The following BABAM2 variants were observed in gnomAD, a reference collection of about 807,000 sequenced individuals.
The protein encoded by BABAM2 is BRISC and BRCA1 A complex member 2.
In BABAM2, 31 loss-of-function variants were observed where a neutral mutation model predicts 54.7. That is an observed-to-expected ratio of 0.57 (90% CI 0.43 to 0.77). BABAM2 has a LOEUF of 0.77. Among genes scored for constraint, BABAM2 ranks in the 30% least tolerant of loss-of-function variants. The probability of loss-of-function intolerance (pLI) is 0.00; values close to 1 mark genes in which losing one functional copy is unlikely to be tolerated. For missense variants in BABAM2, 364 were observed against 455.8 expected (o/e 0.80, Z 1.83); for synonymous variants, 167 against 162.9 (o/e 1.03, Z -0.19).
intron 11 of BABAM2, chr2:28,309,363 G>A (rs1688856406): frequency 6.6e-6 from 1 of 152,078 alleles, no homozygotes. Flanking sequence ...AAGCCTCCCT[G>A]TCTTAAAGTC....
chr2:27,890,326 G>A (rs1376770279), upstream of BABAM2: 3 of 1,613,692 alleles, frequency 1.9e-6, no homozygotes, highest in Non-Finnish European at 1.7e-6. The surrounding 1 kb of genome is among the most constrained non-coding windows in gnomAD (Gnocchi z 4.8). Flanking sequence ...CTGCCTCTGG[G>A]GTTCCCCAGA....
chr2:28,267,424 GACACACACACACAT>G (rs889199818), intron 10 of BABAM2, among the ~76,000 whole-genome samples: 1 of 146,804 alleles, frequency 6.8e-6, no homozygotes, highest in South Asian at 2.2e-4. Context: ...ACACTGACTA[GACACACACACACAT>G]ACACACACAC....
rs370813340 is a variant in BABAM2, at chr2:28,144,948, A to G, written c.680+15568A>G. Among the ~76,000 whole-genome samples the G allele has an allele frequency of 4.6e-5, 7 of 152,324 alleles. No homozygotes were observed. The East Asian group carries it at 7.7e-4, about 17-fold the overall frequency. On this transcript the variant is annotated intron_variant, in intron 7 of 11. Coordinates refer to ENST00000379624, the MANE Select transcript of BABAM2 (RefSeq NM_199191.3). ...CCTTGGAGGGGGCTCCGGACCATGGAGGTCACACACCAGTGCTCCGAGTGT... is the reference window on the plus strand; with the variant it reads ...CCTTGGAGGGGGCTCCGGACCATGGGGGTCACACACCAGTGCTCCGAGTGT...
intron 4 of BABAM2, among the ~76,000 whole-genome samples, chr2:28,001,381 A>G (rs1054057435): frequency 6.6e-6 from 1 of 152,214 alleles, no homozygotes; most frequent in Non-Finnish European, 1.5e-5. Flanking sequence ...GGATACAAAA[A>G]TGAATGATTC....
At chr2:28,259,496 T>C (rs145077651) in intron 10 of BABAM2, among the ~76,000 whole-genome samples, 104 of 152,306 alleles carry the variant, frequency 6.8e-4, no homozygotes, top group African/African-American at 2.5e-3. Flanking sequence ...TTTTTATACA[T>C]TGGGATACAA....
intron 5 of BABAM2, among the ~76,000 whole-genome samples, chr2:28,032,979 A>G (rs992783078): frequency 6.6e-6 from 1 of 152,156 alleles, no homozygotes; most frequent in African/African-American, 2.4e-5. Flanking sequence ...GTTCTGTGCC[A>G]CTTCATCACA....
chr2:27,890,596 C>A, upstream of BABAM2: 2 of 469,796 alleles, frequency 4.3e-6, no homozygotes, highest in Admixed American at 8.0e-5. The surrounding 1 kb of genome is among the most constrained non-coding windows in gnomAD (Gnocchi z 4.8). Context: ...TCGTCACTCA[C>A]GGGGCAGGCG....
chr2:28,295,982 G>A (rs747415082), intron 10 of BABAM2, among the ~76,000 whole-genome samples: 11 of 152,126 alleles, frequency 7.2e-5, no homozygotes, highest in Non-Finnish European at 1.5e-4. Context: ...GGTGGCAGGC[G>A]CCTGTAATCC....
chr2:28,314,077 A>G (rs1415895169), intron 11 of BABAM2, among the ~76,000 whole-genome samples: 1 of 152,206 alleles, frequency 6.6e-6, no homozygotes, highest in African/African-American at 2.4e-5. Flanking sequence ...ACGTGCATAT[A>G]AGGGCAAGAT....
intron 7 of BABAM2, among the ~76,000 whole-genome samples, chr2:28,141,268 G>A (rs1671031038): frequency 6.6e-6 from 1 of 151,958 alleles, no homozygotes; most frequent in South Asian, 2.1e-4. Flanking sequence ...ATAATGCTTG[G>A]TGTGTGATCA....
chr2:28,102,905 G>A (rs1156277716), intron 6 of BABAM2, among the ~76,000 whole-genome samples: 2 of 152,084 alleles, frequency 1.3e-5, no homozygotes, highest in African/African-American at 2.4e-5. Flanking sequence ...AAGTTCCTAT[G>A]TTAAAATAAT....
Position 28,277,016 on chromosome 2 carries a change from G to A in BABAM2, c.935-21322G>A, listed in dbSNP as rs139151238. On this transcript the variant is annotated intron_variant, in intron 10 of 11. Transcript: ENST00000379624. The stretch of plus-strand genomic sequence containing the variant: ...CTCTGCTGGCCTAGTGACCCTCCCC[G>A]TGCAGCCTCATGCTTGGCTATCTCC... Among the ~76,000 whole-genome samples the A allele has an allele frequency of 5.5e-4, 83 of 152,228 alleles. 1 individual carries two copies. The highest frequency in any genetic ancestry group is 1.7e-3 in the African/African-American group (72 of 41,542).
At chr2:28,169,905 G>A (rs975321783) in intron 7 of BABAM2, among the ~76,000 whole-genome samples, 3 of 151,512 alleles carry the variant, frequency 2.0e-5, no homozygotes, top group Admixed American at 2.0e-4. Flanking sequence ...TTATAATACA[G>A]GGCATTCCAA....
intron 10 of BABAM2, among the ~76,000 whole-genome samples, chr2:28,276,093 T>A (rs1345205359): frequency 6.6e-6 from 1 of 152,166 alleles, no homozygotes; most frequent in Non-Finnish European, 1.5e-5. Flanking sequence ...ACAATTTAGC[T>A]GAGTAACTTG....
At chr2:27,931,209 G>A (rs901549964) in intron 3 of BABAM2, among the ~76,000 whole-genome samples, 4 of 151,982 alleles carry the variant, frequency 2.6e-5, no homozygotes, top group Middle Eastern at 3.2e-3. Flanking sequence ...GGACAGATTC[G>A]ACTACTTTTT....
intron 11 of BABAM2, 108 bp from the exon 12 acceptor site, chr2:28,338,342 A>G (rs1483743283): frequency 1.9e-6 from 2 of 1,049,632 alleles, no homozygotes; most frequent in African/African-American, 3.1e-5. Flanking sequence ...AAGATGCATG[A>G]ACAATAAATA....
At chr2:27,925,437 G>T (rs954029718) in intron 2 of BABAM2, among the ~76,000 whole-genome samples, 6 of 151,854 alleles carry the variant, frequency 4.0e-5, no homozygotes, top group Admixed American at 6.6e-5. Context: ...TCTTTTTTCA[G>T]ATCTAAAGTG....
intron 7 of BABAM2, among the ~76,000 whole-genome samples, chr2:28,147,709 G>A (rs968091056): frequency 1.3e-5 from 2 of 152,128 alleles, no homozygotes; most frequent in African/African-American, 4.8e-5. Context: ...TCCTGACCTC[G>A]TGATCCACCC....
intron 10 of BABAM2, among the ~76,000 whole-genome samples, chr2:28,254,778 C>A (rs1487528457): frequency 7.1e-6 from 1 of 141,838 alleles, no homozygotes; most frequent in African/African-American, 2.6e-5. Context: ...GTAGACCAGG[C>A]CAACGTGCAG....
Sources: allele counts gnomAD v4.1 joint callset (sites outside exome capture counted in the v4.1 genomes callset), GRCh38; gene constraint gnomAD v4.1.1; non-coding constraint Gnocchi (gnomAD v3.1); transcripts MANE v1.5; gene names NCBI Gene and HGNC (gene_info 2026-07-23, HGNC 2026-07-21).